Variants in DGCR2 observed in about 807,000 individuals in gnomAD.
The protein encoded by DGCR2 is integral membrane protein DGCR2/IDD.
A neutral mutation model predicts 51.6 loss-of-function variants in DGCR2; 24 were observed. The ratio of observed to expected loss-of-function variants is 0.47; its 90% confidence interval spans 0.34 to 0.65. The LOEUF is 0.65. Ranked by LOEUF, DGCR2 falls within the 30% of genes least tolerant of loss-of-function variation. DGCR2 has a pLI of 0.01. For missense variants in DGCR2, 765 were observed against 772.1 expected (o/e 0.99, Z 0.11); for synonymous variants, 340 against 315.4 (o/e 1.08, Z -0.82).
At chr22:19,071,719 A>G (rs1246413752) in intron 2 of DGCR2, among the ~76,000 whole-genome samples, 2 of 152,234 alleles carry the variant, frequency 1.3e-5, no homozygotes, top group Non-Finnish European at 2.9e-5. Context: ...AGAAACCTGT[A>G]AAGGATGTTC....
At chr22:19,067,918 T>C (rs2082767552) in intron 3 of DGCR2, among the ~76,000 whole-genome samples, 182 bp downstream of exon 3, 1 of 152,126 alleles carries the variant, frequency 6.6e-6, no homozygotes, top group Non-Finnish European at 1.5e-5. Context: ...TTGAGTCACA[T>C]ACCACCACTC....
intron 6 of DGCR2, among the ~76,000 whole-genome samples, chr22:19,055,300 TAA>T (rs932040042): frequency 1.3e-5 from 2 of 152,114 alleles, no homozygotes; most frequent in African/African-American, 2.4e-5. Context: ...AAGCATTTAA[TAA>T]AAATCAGTAC....
In DGCR2 at chr22:19,115,574, T is replaced by G. The variant is rs150332841; in HGVS notation, c.79+6554A>C. The stretch of plus-strand genomic sequence containing the variant: ...CAAGGCCTGCTGGCTAAAGTAGCTG[T>G]TGCTCTTTATGTCAAAATATAAATA... On this transcript the variant is annotated intron_variant, in intron 1 of 9. Coordinates refer to ENST00000263196, the MANE Select transcript of DGCR2 (RefSeq NM_005137.3). Among the ~76,000 whole-genome samples the G allele has an allele frequency of 3.6e-4, 55 of 152,378 alleles. No homozygotes were observed. The East Asian group carries it at 9.4e-3, about 26-fold the overall frequency.
intron 7 of DGCR2, chr22:19,046,762 T>C (rs894931818): frequency 1.6e-5 from 7 of 447,086 alleles, no homozygotes; most frequent in African/African-American, 1.4e-4. Context: ...GCTCTGGCCG[T>C]GCAGGAGAGA....
intron 1 of DGCR2, among the ~76,000 whole-genome samples, chr22:19,092,993 GAGAAGA>G (rs1280927389): frequency 1.9e-5 from 1 of 53,660 alleles, no homozygotes; most frequent in Non-Finnish European, 3.8e-5. Flanking sequence ...GAAGAAAGAA[GAGAAGA>G]AGGAGGAGGA....
chr22:19,053,133 T>C (rs2082566899), intron 6 of DGCR2, among the ~76,000 whole-genome samples: 1 of 152,222 alleles, frequency 6.6e-6, no homozygotes, highest in South Asian at 2.1e-4. Context: ...AATCAGAGCA[T>C]ACCTGGAGCC....
At chr22:19,076,897 T>C (rs564919416) in intron 2 of DGCR2, among the ~76,000 whole-genome samples, 51 of 151,880 alleles carry the variant, frequency 3.4e-4, no homozygotes, top group Non-Finnish European at 5.2e-4. Flanking sequence ...ACCTGGCTAA[T>C]TTTTTGTGTT....
intron 8 of DGCR2, 154 bp from the exon 9 acceptor site, chr22:19,041,448 CAT>C: frequency 1.4e-6 from 1 of 710,162 alleles, no homozygotes; most frequent in Admixed American, 2.4e-5. Context: ...TCGGCATCCC[CAT>C]GAGACCCCTG....
intron 1 of DGCR2, among the ~76,000 whole-genome samples, chr22:19,107,869 C>T (rs1405022915): frequency 1.3e-5 from 2 of 152,182 alleles, no homozygotes; most frequent in African/African-American, 2.4e-5. Context: ...CACCACATTT[C>T]GATCATAGCC....
intron 5 of DGCR2, 79 bp downstream of exon 5, chr22:19,063,119 CTGGG>C: frequency 1.5e-6 from 2 of 1,349,290 alleles, no homozygotes; most frequent in South Asian, 1.2e-5. Flanking sequence ...CCAGGCAGCA[CTGGG>C]TAAGAGGGAG....
At position 19,115,264 on chromosome 22, in the gene DGCR2, C is replaced by T. The variant is rs193101526; in HGVS notation, c.79+6864G>A. On this transcript the variant is annotated intron_variant, in intron 1 of 9. Transcript: ENST00000263196. ...AAGTCCATCAGAGAGGCAGCTCCCTCAGCACCGGCTTGCTGGGGTCCCTCC... is the reference window on the plus strand; with the variant it reads ...AAGTCCATCAGAGAGGCAGCTCCCTTAGCACCGGCTTGCTGGGGTCCCTCC... Among the ~76,000 whole-genome samples, 207 of 152,360 alleles carry T rather than the reference C, an allele frequency of 1.4e-3. 1 individual carries two copies. Among genetic ancestry groups the T allele is most frequent in the African/African-American group, 4.8e-3 (199 of 41,588 alleles).
chr22:19,081,948 T>C (rs2082940466), intron 2 of DGCR2, among the ~76,000 whole-genome samples: 1 of 152,246 alleles, frequency 6.6e-6, no homozygotes, highest in African/African-American at 2.4e-5. Context: ...AGGAGTTCTT[T>C]ATATACACTG....
chr22:19,041,546 C>G, intron 8 of DGCR2: 1 of 594,830 alleles, frequency 1.7e-6, no homozygotes, highest in South Asian at 2.1e-5. Context: ...TCTGGCTGAC[C>G]ACACCCCTCC....
In DGCR2 at chr22:19,040,534, G is replaced by A. The variant is rs568517559; in HGVS notation, c.1396+524C>T. On this transcript the variant is annotated intron_variant, in intron 9 of 9. Transcript: ENST00000263196. ...CCACTCCTTAGCTACACAGCCTTGA[G>A]GAATGGCGCCCACTCTCAGATGGGT... is the stretch of plus-strand genomic sequence containing the variant. 2.6e-5 allele frequency among the ~76,000 whole-genome samples: 4 copies of A among 152,326 alleles called. No homozygotes were observed. The East Asian group carries it at 7.7e-4, about 29-fold the overall frequency.
rs2082390387 is a variant in DGCR2 at position 19,038,102 on chromosome 22, C to T, written c.*763G>A. 1 of 152,508 alleles carries T rather than the reference C, an allele frequency of 6.6e-6. No individual in the cohort carries two copies. The highest frequency in any genetic ancestry group is 2.4e-5 in the African/African-American group (1 of 41,468). 9.4% of individuals were successfully genotyped at this position (152,508 alleles called of 1,614,324 possible). A position where few individuals can be genotyped will look rare whatever the true frequency, so the allele number is the denominator to read the frequency against. On this transcript the variant is annotated 3_prime_UTR_variant, in exon 10 of 10. Coordinates refer to ENST00000263196, the MANE Select transcript of DGCR2 (RefSeq NM_005137.3). The stretch of plus-strand genomic sequence containing the variant: ...CTCGGCCCCACTCCAGAGCTTCTTC[C>T]TGAGGGAGCCATGCACAGCAATGCT...
chr22:19,102,579 G>A (rs1443054629), intron 1 of DGCR2, among the ~76,000 whole-genome samples: 1 of 152,130 alleles, frequency 6.6e-6, no homozygotes, highest in Non-Finnish European at 1.5e-5. Context: ...GCGGGCACCT[G>A]TAGTCCCAGC....
chr22:19,082,925 C>T (rs1206403034), intron 2 of DGCR2, among the ~76,000 whole-genome samples: 1 of 151,826 alleles, frequency 6.6e-6, no homozygotes. Flanking sequence ...ACCGATTCTA[C>T]GAAAACATGC....
In DGCR2 at chr22:19,083,867, C is replaced by T. The variant is rs71328286; in HGVS notation, c.202+5501G>A. 9.9e-3 allele frequency among the ~76,000 whole-genome samples: 1,499 copies of T among 152,050 alleles called. 7 individuals carry two copies. Among genetic ancestry groups the T allele is most frequent in the African/African-American group, 0.013 (523 of 41,466 alleles). ...CCGAGTGCCTGCGATTGCAGGCGCG[C>T]GCCGCCATGCCTGACTGGTTTTCAT... On this transcript the variant is annotated intron_variant, in intron 2 of 9. Transcript: ENST00000263196.
chr22:19,060,614 C>G (rs2082650074), intron 5 of DGCR2: 1 of 219,208 alleles, frequency 4.6e-6, no homozygotes, highest in Non-Finnish European at 9.4e-6. Context: ...CTGGGAGCAG[C>G]ACGTGGGGCG....
Sources: allele counts gnomAD v4.1 joint callset (sites outside exome capture counted in the v4.1 genomes callset), GRCh38; gene constraint gnomAD v4.1.1; transcripts MANE v1.5; gene names NCBI Gene and HGNC (gene_info 2026-07-23, HGNC 2026-07-21).